Variants in SBNO2 observed in about 807,000 individuals in gnomAD.
SBNO2 encodes the protein protein strawberry notch homolog 2.
In SBNO2, 89 loss-of-function variants were observed where a neutral mutation model predicts 146.3. The observed-to-expected ratio is 0.61, with a 90% CI of 0.51 to 0.73. The LOEUF is 0.73. Ranked by LOEUF, SBNO2 falls within the 30% of genes least tolerant of loss-of-function variation. The pLI is 0.00. For missense variants in SBNO2, 2,092 were observed against 2,003.7 expected (o/e 1.04, Z -0.84); for synonymous variants, 1,147 against 892.6 (o/e 1.29, Z -5.08).
At chr19:1,111,179 C>T in intron 24 of SBNO2, 86 bp from the exon 25 acceptor site, 2 of 1,425,590 alleles carry the variant, frequency 1.4e-6, no homozygotes, top group Non-Finnish European at 1.9e-6. Context: ...AGACCAGCAG[C>T]TCCCTGGGGG....
chr19:1,114,343 G>A lies in SBNO2; in HGVS notation c.1965C>T (p.Ser655=). The change falls in exon 18 of 32, where the codon AGC becomes AGT. Residue 655 remains serine, a synonymous_variant. Coordinates refer to ENST00000361757, the MANE Select transcript of SBNO2 (RefSeq NM_014963.3). ...CCAGGCCAGGGTCCGACTCCGTGCT[G>A]CTGTCGTCACTGATGCGGATGACGC... is the stretch of plus-strand genomic sequence containing the variant. ...TAGVIRISDD[S]STESDPGLDS... 6.4e-7 allele frequency: 1 copy of A among 1,557,258 alleles called. No homozygotes were observed. Among genetic ancestry groups the A allele is most frequent in the East Asian group, 2.4e-5 (1 of 41,362 alleles).
chr19:1,108,546 G>A lies in SBNO2; in HGVS notation c.3775C>T (p.Leu1259Phe), dbSNP rs1477971240. Residue 1259 changes from leucine to phenylalanine, a missense_variant, in exon 32 of 32, where the codon CTC becomes TTC. Coordinates refer to ENST00000361757, the MANE Select transcript of SBNO2 (RefSeq NM_014963.3). ...GCCTCGGCCGGGGGGCTGTAGGTGA[G>A]GTCCAGCACCTCTCCGGGGCCGCAA... ...LPCGPGEVLDLTYSPPAEAFP... is the reference protein window; with the variant it reads ...LPCGPGEVLDFTYSPPAEAFP... 2 of 1,226,880 alleles carry A rather than the reference G, an allele frequency of 1.6e-6. No individual in the cohort carries two copies. The highest frequency in any genetic ancestry group is 2.0e-6 in the Non-Finnish European group (2 of 982,842). The allele number at this position is 1,226,880 out of a possible 1,614,324, so 76.0% of individuals were successfully genotyped here.
rs1471680556 is a variant in SBNO2, at chr19:1,158,365, G to A, written c.-126-3963C>T. ...CGCACTTTCGGATGTGGACACGGAG[G>A]CCCCTAGGTGGAGCCTTGACGTGAC... On this transcript the variant is annotated intron_variant, in intron 1 of 31. Transcript: ENST00000361757. This position sits in a 1 kb window ranked among gnomAD's most constrained non-coding sequence, Gnocchi z 9.9. Among the ~76,000 whole-genome samples the A allele has an allele frequency of 6.6e-6, 1 of 152,160 alleles. No individual in the cohort carries two copies. The highest frequency in any genetic ancestry group is 2.4e-5 in the African/African-American group (1 of 41,428).
At position 1,112,805 on chromosome 19, in the gene SBNO2, T is replaced by A; in HGVS notation, c.2379+13A>T. ...GTCCCGTGGGCCGCGCCCAGTGCACTGCAGCCCCGCACCTTCTCGCCGCTC... is the reference window on the plus strand; with the variant it reads ...GTCCCGTGGGCCGCGCCCAGTGCACAGCAGCCCCGCACCTTCTCGCCGCTC... On this transcript the variant is annotated intron_variant, in intron 20 of 31. Transcript: ENST00000361757. This position sits in a 1 kb window ranked among gnomAD's most constrained non-coding sequence, Gnocchi z 5.9. 3.2e-6 allele frequency: 5 copies of A among 1,562,054 alleles called. No individual in the cohort carries two copies. Among genetic ancestry groups the A allele is most frequent in the Non-Finnish European group, 4.3e-6 (5 of 1,155,270 alleles).
Position 1,111,567 on chromosome 19 carries a change from C to G in SBNO2, c.2748G>C (p.Gln916His). 6.3e-7 allele frequency: 1 copy of G among 1,598,426 alleles called. No individual in the cohort carries two copies. Among genetic ancestry groups the G allele is most frequent in the Non-Finnish European group, 8.5e-7 (1 of 1,172,842 alleles). ...LHCVLTTILS[Q>H]TENKVPVPQG... Reference sequence around the variant, plus strand: ...GGGGCACAGGCACTTTGTTCTCAGTCTGGCTCAGGATGGTGGTGAGGACAC... The same window carrying G: ...GGGGCACAGGCACTTTGTTCTCAGTGTGGCTCAGGATGGTGGTGAGGACAC... Residue 916 changes from glutamine to histidine, a missense_variant, in exon 24 of 32, where the codon CAG becomes CAC. Transcript: ENST00000361757.
Position 1,110,130 on chromosome 19 carries a change from G to C in SBNO2, c.3029-353C>G, listed in dbSNP as rs1246394908. Among the ~76,000 whole-genome samples the C allele has an allele frequency of 1.3e-5, 2 of 151,654 alleles. No homozygotes were observed. Among genetic ancestry groups the C allele is most frequent in the Non-Finnish European group, 2.9e-5 (2 of 67,852 alleles). The stretch of plus-strand genomic sequence containing the variant: ...CTGTGAGGAGATTGTAGGAGCCTGG[G>C]GGCTGCTCAGGTGCTGGGTGACCCC... On this transcript the variant is annotated intron_variant, in intron 26 of 31. Transcript: ENST00000361757. This position sits in a 1 kb window ranked among gnomAD's most constrained non-coding sequence, Gnocchi z 4.9.
Position 1,140,299 on chromosome 19 carries a change from C to CA in SBNO2, c.279+7009dup, listed in dbSNP as rs540196785. Reference sequence around the variant, plus strand: ...TGGGCGACAGAGCGAGATTTCATCTCAAAAAAAAAAAAAAAGCAGCAGCAA... The same window carrying CA: ...TGGGCGACAGAGCGAGATTTCATCTCAAAAAAAAAAAAAAAAGCAGCAGCAA... On this transcript the variant is annotated intron_variant, in intron 4 of 31. Coordinates refer to ENST00000361757, the MANE Select transcript of SBNO2 (RefSeq NM_014963.3). This position sits in a 1 kb window ranked among gnomAD's most constrained non-coding sequence, Gnocchi z 4.4. Among the ~76,000 whole-genome samples the CA allele has an allele frequency of 7.5e-3, 787 of 104,994 alleles. 4 individuals are homozygous for CA. Among genetic ancestry groups the CA allele is most frequent in the Middle Eastern group, 0.014 (3 of 222 alleles). 68.9% of individuals were successfully genotyped at this position (104,994 alleles called of 152,430 possible).
chr19:1,170,540 G>A (rs889938486), intron 1 of SBNO2, among the ~76,000 whole-genome samples: 1 of 152,134 alleles, frequency 6.6e-6, no homozygotes, highest in African/African-American at 2.4e-5. Context: ...AGCCCTCCCC[G>A]TGTGCTGTCT....
chr19:1,111,210 T>TAGGGCC (rs1369333825), intron 24 of SBNO2, 117 bp from the exon 25 acceptor site: 19 of 1,190,284 alleles, frequency 1.6e-5, no homozygotes, highest in African/African-American at 6.1e-5. Context: ...AGCTGCAGCC[T>TAGGGCC]AGGGCCAGGG....
At chr19:1,170,878 A>G (rs113227469) in intron 1 of SBNO2, among the ~76,000 whole-genome samples, 168 of 152,186 alleles carry the variant, frequency 1.1e-3, no homozygotes, top group African/African-American at 2.0e-3. Context: ...CACACACAAA[A>G]TACATGTGTG....
chr19:1,119,195 G>C, intron 13 of SBNO2, 31 bp from the exon 14 acceptor site: 1 of 1,570,104 alleles, frequency 6.4e-7, no homozygotes, highest in South Asian at 1.1e-5. Flanking sequence ...CGTGAGCACG[G>C]CCAGAGCCCG....
intron 18 of SBNO2, 94 bp from the exon 19 acceptor site, chr19:1,113,798 G>C (rs1049146554): frequency 2.3e-5 from 31 of 1,370,936 alleles, no homozygotes; most frequent in Middle Eastern, 5.2e-4. Context: ...AAGGACAAGG[G>C]GCCCGGGGCA....
chr19:1,141,635 C>G (rs891752171), intron 4 of SBNO2, among the ~76,000 whole-genome samples: 1 of 151,878 alleles, frequency 6.6e-6, no homozygotes, highest in Admixed American at 6.6e-5. Flanking sequence ...CGGACAAACA[C>G]AGTGGGGCCC....
Position 1,157,529 on chromosome 19 carries a change from G to A in SBNO2, c.-126-3127C>T, listed in dbSNP as rs2080303230. On this transcript the variant is annotated intron_variant, in intron 1 of 31. Coordinates refer to ENST00000361757, the MANE Select transcript of SBNO2 (RefSeq NM_014963.3). The surrounding 1 kb of genome is among the most constrained non-coding windows in gnomAD (Gnocchi z 6.8). ...GTGTCCCCTGCCTGGTTTTATTTTTGGGCGCGAGTCCCATGACTGGAGGGA... is the reference window on the plus strand; with the variant it reads ...GTGTCCCCTGCCTGGTTTTATTTTTAGGCGCGAGTCCCATGACTGGAGGGA... Among the ~76,000 whole-genome samples, 1 of 151,986 alleles carries A rather than the reference G, an allele frequency of 6.6e-6. No homozygotes were observed. Among genetic ancestry groups the A allele is most frequent in the Admixed American group, 6.6e-5 (1 of 15,258 alleles).
At chr19:1,127,443 T>C in intron 5 of SBNO2, 161 bp downstream of exon 5, 1 of 697,398 alleles carries the variant, frequency 1.4e-6, no homozygotes, top group Non-Finnish European at 2.5e-6. Flanking sequence ...GACCCTCAAC[T>C]AACCACCTCA....
intron 23 of SBNO2, 44 bp from the exon 24 acceptor site, chr19:1,111,658 C>T (rs1568554363): frequency 1.4e-6 from 2 of 1,426,448 alleles, no homozygotes; most frequent in Non-Finnish European, 1.9e-6. Flanking sequence ...AGGGAGGAGG[C>T]TGGCTTTCCC....
At position 1,108,507 on chromosome 19, in the gene SBNO2, G is replaced by A. The variant is rs1434541261; in HGVS notation, c.3814C>T (p.Pro1272Ser). The change falls in exon 32 of 32, where the codon CCG becomes TCG. Residue 1272 changes from proline to serine, a missense_variant. Physicochemically the swap from Pro to Ser is moderately conservative, Grantham distance 74 (BLOSUM62 -1). Transcript: ENST00000361757. ...SPPAEAFPPPPHFSFPAPLSL... is the reference protein window; with the variant it reads ...SPPAEAFPPPSHFSFPAPLSL... ...AGCGGCGCCGGGAAAGAGAAGTGCG[G>A]GGGCGGCGGGAAGGCCTCGGCCGGG... 4 of 1,219,596 alleles carry A rather than the reference G, an allele frequency of 3.3e-6. No individual in the cohort carries two copies. Among genetic ancestry groups the A allele is most frequent in the South Asian group, 5.2e-5 (2 of 38,280 alleles). The allele number at this position is 1,219,596 out of a possible 1,614,324, so 75.5% of individuals were successfully genotyped here.
rs1485075974 is a variant in SBNO2, at chr19:1,112,183, G to A, written c.2628+6C>T. On this transcript the variant is annotated splice_donor_region_variant and intron_variant, in intron 22 of 31. Coordinates refer to ENST00000361757, the MANE Select transcript of SBNO2 (RefSeq NM_014963.3). The surrounding 1 kb of genome is among the most constrained non-coding windows in gnomAD (Gnocchi z 5.9). ...CTGGTTCTCAGCCCCACCCCCACCT[G>A]CTCACCAGACTCTCCAGGCGCTTGG... 1 of 1,583,834 alleles carries A rather than the reference G, an allele frequency of 6.3e-7. No homozygotes were observed. The highest frequency in any genetic ancestry group is 1.1e-5 in the South Asian group (1 of 87,706).
chr19:1,128,371 T>C (rs2079991697), intron 4 of SBNO2: 1 of 331,922 alleles, frequency 3.0e-6, no homozygotes, highest in African/African-American at 2.3e-5. Context: ...CGCTGCCCAG[T>C]GAAGGAGATG....
Sources: allele counts gnomAD v4.1 joint callset (sites outside exome capture counted in the v4.1 genomes callset), GRCh38; gene constraint gnomAD v4.1.1; non-coding constraint Gnocchi (gnomAD v3.1); transcripts MANE v1.5; gene names NCBI Gene and HGNC (gene_info 2026-07-23, HGNC 2026-07-21).